Variants in CCL16 observed in about 807,000 individuals in gnomAD.
CCL16 encodes the protein C-C motif chemokine ligand 16.
In CCL16, 6 loss-of-function variants were observed where a neutral mutation model predicts 7.5. That is an observed-to-expected ratio of 0.80 (90% CI 0.44 to 1.57). CCL16 has a LOEUF of 1.57. CCL16 is among the 40% of genes most tolerant of loss of function. The pLI is 0.01. For missense variants in CCL16, 134 were observed against 142.9 expected, an observed-to-expected ratio of 0.94 and a Z score of 0.32; for synonymous variants, 60 against 57.7, an observed-to-expected ratio of 1.04 and a Z score of -0.18.
intron 1 of CCL16, among the ~76,000 whole-genome samples, chr17:35,979,761 G>T (rs942731364): frequency 3.3e-5 from 5 of 152,130 alleles, no homozygotes; most frequent in Non-Finnish European, 5.9e-5. Context: ...ATGTATGCAG[G>T]ATACTGGACT....
chr17:35,979,720 C>T (rs1462715547), intron 1 of CCL16, among the ~76,000 whole-genome samples: 1 of 152,106 alleles, frequency 6.6e-6, no homozygotes, highest in African/African-American at 2.4e-5. Flanking sequence ...CTCTTCTTGC[C>T]TTGGAAATGG....
rs2089644367 is a variant in CCL16 at position 35,977,276 on chromosome 17, TGAGCCAAGATC to T, written c.*279_*289del. On this transcript the variant is annotated 3_prime_UTR_variant, in exon 3 of 3. Coordinates refer to ENST00000611905, the MANE Select transcript of CCL16 (RefSeq NM_004590.4). ...GAGGTTACAGTGAGCCAAGATCAAG[TGAGCCAAGATC>T]ACACCACTGCACTCCAGCCTGGGTG... is the stretch of plus-strand genomic sequence containing the variant. The T allele has an allele frequency of 5.9e-6, 1 of 168,940 alleles. No individual in the cohort carries two copies. The allele number at this position is 168,940 out of a possible 1,614,324, so 10.5% of individuals were successfully genotyped here.
chr17:35,981,003 TC>T (rs908871272), intron 1 of CCL16, among the ~76,000 whole-genome samples: 6 of 152,192 alleles, frequency 3.9e-5, no homozygotes, highest in Admixed American at 1.3e-4. Flanking sequence ...TTCTTTCTCA[TC>T]CGCGTGCCTC....
rs62078120 is a variant in CCL16 at position 35,980,865 on chromosome 17, C to A, written c.76+480G>T. 5.9e-3 allele frequency among the ~76,000 whole-genome samples: 897 copies of A among 152,310 alleles called. 11 individuals carry two copies. The highest frequency in any genetic ancestry group is 9.6e-3 in the Non-Finnish European group (653 of 68,024). On this transcript the variant is annotated intron_variant, in intron 1 of 2. Coordinates refer to ENST00000611905, the MANE Select transcript of CCL16 (RefSeq NM_004590.4). ...CATTTTGGTTGTCTGATAGTCCCAG[C>A]AACCTGTGCCAGCCATGTTGAGGAA...
chr17:35,978,049 T>C, intron 2 of CCL16, 94 bp downstream of exon 2: 1 of 1,545,446 alleles, frequency 6.5e-7, no homozygotes, highest in Non-Finnish European at 8.9e-7. Flanking sequence ...GCTCCACTGC[T>C]TCTAGCATGG....
At chr17:35,978,091 C>T in intron 2 of CCL16, 52 bp downstream of exon 2, 2 of 1,611,814 alleles carry the variant, frequency 1.2e-6, no homozygotes, top group South Asian at 2.2e-5. Flanking sequence ...CTCATTCCTG[C>T]CCCTGGGCTC....
intron 1 of CCL16, 119 bp from the exon 2 acceptor site, chr17:35,978,382 G>C: frequency 7.5e-7 from 1 of 1,327,138 alleles, no homozygotes; most frequent in Non-Finnish European, 1.1e-6. Context: ...TGTTAGAGGA[G>C]ACCAATGATA....
At chr17:35,980,829 C>A (rs1446414912) in intron 1 of CCL16, among the ~76,000 whole-genome samples, 3 of 152,148 alleles carry the variant, frequency 2.0e-5, no homozygotes, top group African/African-American at 7.2e-5. Flanking sequence ...AGCAGCCATT[C>A]CACTGGGACT....
chr17:35,978,021 G>T, intron 2 of CCL16, 122 bp downstream of exon 2: 3 of 1,407,616 alleles, frequency 2.1e-6, no homozygotes, highest in Non-Finnish European at 2.9e-6. Context: ...AGAGCCAAAG[G>T]CCAAACCCTT....
chr17:35,979,587 A>G (rs1490467961), intron 1 of CCL16, among the ~76,000 whole-genome samples: 1 of 152,150 alleles, frequency 6.6e-6, no homozygotes, highest in Non-Finnish European at 1.5e-5. Flanking sequence ...ACTTACTTGT[A>G]TCCTAGGATC....
chr17:35,979,140 AAAG>A (rs113788464), intron 1 of CCL16, among the ~76,000 whole-genome samples: 6,930 of 152,106 alleles, frequency 0.046, 258 homozygotes, highest in South Asian at 0.15. Context: ...GAAAAAAAAA[AAAG>A]GATTTAGACA....
At chr17:35,979,584 T>G (rs1466011345) in intron 1 of CCL16, among the ~76,000 whole-genome samples, 4 of 152,172 alleles carry the variant, frequency 2.6e-5, no homozygotes, top group African/African-American at 9.7e-5. Flanking sequence ...GATACTTACT[T>G]GTATCCTAGG....
chr17:35,977,457 T>C lies in CCL16; in HGVS notation c.*109A>G. 1.1e-6 allele frequency: 1 copy of C among 909,514 alleles called. No individual in the cohort carries two copies. The highest frequency in any genetic ancestry group is 2.5e-5 in the East Asian group (1 of 40,598). The allele number at this position is 909,514 out of a possible 1,614,324, so 56.3% of individuals were successfully genotyped here. Reference sequence around the variant, plus strand: ...ACTTCTCCTTTATTTTGATCATTGTTCTGCTTCTCTCAATGTGACTGGCTA... The same window carrying C: ...ACTTCTCCTTTATTTTGATCATTGTCCTGCTTCTCTCAATGTGACTGGCTA... On this transcript the variant is annotated 3_prime_UTR_variant, in exon 3 of 3. Transcript: ENST00000611905.
In CCL16 at chr17:35,981,487, G is replaced by A. The variant is rs549950289; in HGVS notation, c.-67C>T. 8.8e-5 allele frequency: 102 copies of A among 1,154,568 alleles called. No individual in the cohort carries two copies. The Admixed American group carries it at 9.2e-4, about 10-fold the overall frequency. 71.5% of individuals were successfully genotyped at this position (1,154,568 alleles called of 1,614,324 possible). ...AGATGTTGTCTGTTGCTGGTGGTCC[G>A]CTTGCCAACTACTCAGCTCTCTGGA... is the stretch of plus-strand genomic sequence containing the variant. On this transcript the variant is annotated 5_prime_UTR_variant, in exon 1 of 3. Transcript: ENST00000611905.
intron 2 of CCL16, 29 bp from the exon 3 acceptor site, chr17:35,977,760 G>T (rs774525937): frequency 6.2e-7 from 1 of 1,605,672 alleles, no homozygotes; most frequent in Admixed American, 1.7e-5. Flanking sequence ...ACCGTCATGG[G>T]CTGCAGACTC....
chr17:35,978,935 C>A (rs1304184316), intron 1 of CCL16: 1 of 152,116 alleles, frequency 6.6e-6, no homozygotes, highest in Non-Finnish European at 1.5e-5. Flanking sequence ...AAGTTTGAGA[C>A]CAGCCTGGCC....
Position 35,977,741 on chromosome 17 carries a change from C to T in CCL16, c.198-10G>A. 6.2e-7 allele frequency: 1 copy of T among 1,611,290 alleles called. No individual in the cohort carries two copies. The highest frequency in any genetic ancestry group is 2.2e-5 in the East Asian group (1 of 44,858). ...CCTCTTGGTGACGAAGCTGCAGAGG[C>T]AGAATTAGACCGTCATGGGCTGCAG... On this transcript the variant is annotated splice_polypyrimidine_tract_variant and intron_variant, in intron 2 of 2. Transcript: ENST00000611905.
Position 35,977,666 on chromosome 17 carries a change from A to T in CCL16, c.263T>A (p.Ile88Asn), listed in dbSNP as rs1490624466. The T allele has an allele frequency of 5.0e-6, 8 of 1,612,156 alleles. No homozygotes were observed. Among genetic ancestry groups the T allele is most frequent in the Non-Finnish European group, 6.8e-6 (8 of 1,179,978 alleles). ...NPNDDWVQEY[I>N]KDPNLPLLPT... Reference sequence around the variant, plus strand: ...CAGCAAAGGTAGGTTGGGATCCTTGATGTACTCTTGGACCCAGTCGTCATT... The same window carrying T: ...CAGCAAAGGTAGGTTGGGATCCTTGTTGTACTCTTGGACCCAGTCGTCATT... Residue 88 changes from isoleucine to asparagine, a missense_variant, in exon 3 of 3, where the codon ATC becomes AAC. Transcript: ENST00000611905.
rs1380433283 is a variant in CCL16, at chr17:35,977,681, C to T, written c.248G>A (p.Trp83Ter). 1 of 1,612,206 alleles carries T rather than the reference C, an allele frequency of 6.2e-7. No individual in the cohort carries two copies. Among genetic ancestry groups the T allele is most frequent in the Non-Finnish European group, 8.5e-7 (1 of 1,179,976 alleles). The change falls in exon 3 of 3, where the codon TGG becomes TAG. Residue 83 changes from tryptophan to a stop codon, truncating the protein, a stop_gained. Transcript: ENST00000611905. LOFTEE classifies it low-confidence loss of function (END_TRUNC). ...GGGATCCTTGATGTACTCTTGGACCCAGTCGTCATTGGGGTTGGTGCAGAC... is the reference window on the plus strand; with the variant it reads ...GGGATCCTTGATGTACTCTTGGACCTAGTCGTCATTGGGGTTGGTGCAGAC... ...REVCTNPNDD[W>*]VQEYIKDPNL...
Sources: allele counts gnomAD v4.1 joint callset (sites outside exome capture counted in the v4.1 genomes callset), GRCh38; gene constraint gnomAD v4.1.1; transcripts MANE v1.5; gene names NCBI Gene and HGNC (gene_info 2026-07-23, HGNC 2026-07-21).